MTCL1: variants seen among roughly 807,000 people sequenced by gnomAD.
MTCL1 encodes microtubule crosslinking factor 1.
In MTCL1, 79 loss-of-function variants were observed where a neutral mutation model predicts 141.4. That is an observed-to-expected ratio of 0.56 (90% CI 0.47 to 0.67). MTCL1 has a LOEUF of 0.67. Among genes scored for constraint, MTCL1 ranks in the 30% least tolerant of loss-of-function variants. MTCL1 has a pLI of 0.00. For missense variants in MTCL1, 2,177 were observed against 2,113.9 expected, an observed-to-expected ratio of 1.03 and a Z score of -0.59; for synonymous variants, 914 against 875.8, an observed-to-expected ratio of 1.04 and a Z score of -0.77.
chr18:8,747,822 G>GT (rs1487024626), intron 4 of MTCL1, among the ~76,000 whole-genome samples: 3 of 152,276 alleles, frequency 2.0e-5, no homozygotes, highest in Admixed American at 6.5e-5. Flanking sequence ...CGCATTTTCT[G>GT]TTTTTTGTTA....
intron 7 of MTCL1, among the ~76,000 whole-genome samples, chr18:8,790,420 T>C (rs1390006083): frequency 6.6e-6 from 1 of 152,214 alleles, no homozygotes; most frequent in African/African-American, 2.4e-5. Context: ...AAGAAGGATT[T>C]TTACATTTTG....
chr18:8,723,522 G>A (rs2096187245), intron 4 of MTCL1, among the ~76,000 whole-genome samples: 1 of 152,134 alleles, frequency 6.6e-6, no homozygotes, highest in South Asian at 2.1e-4. Flanking sequence ...TCGGCCTCAG[G>A]GGTCCGTGAG....
chr18:8,829,915 C>G, intron 16 of MTCL1: 1 of 985,230 alleles, frequency 1.0e-6, no homozygotes, highest in African/African-American at 1.7e-5. Flanking sequence ...CCTTCACAAG[C>G]AGAGGCTGGC....
chr18:8,792,265 A>C (rs1363156432), intron 7 of MTCL1, among the ~76,000 whole-genome samples: 1 of 152,252 alleles, frequency 6.6e-6, no homozygotes, highest in Non-Finnish European at 1.5e-5. Flanking sequence ...TCTAAAAAGC[A>C]CATTTCATGT....
intron 7 of MTCL1, chr18:8,787,455 C>G (rs902006646): frequency 6.5e-6 from 1 of 153,004 alleles, no homozygotes; most frequent in African/African-American, 2.4e-5. Flanking sequence ...GCCCCCGCTC[C>G]CCAGCACATC....
chr18:8,738,863 C>T (rs1243641343), intron 4 of MTCL1, among the ~76,000 whole-genome samples: 8 of 152,050 alleles, frequency 5.3e-5, no homozygotes, highest in Non-Finnish European at 4.4e-5. Flanking sequence ...TATGTTGAAG[C>T]GAGAGTCCAC....
intron 16 of MTCL1, chr18:8,831,282 T>C: frequency 8.7e-7 from 1 of 1,155,432 alleles, no homozygotes; most frequent in South Asian, 2.3e-5. Flanking sequence ...AAGTGGCCTG[T>C]GGAGACCGCT....
At chr18:8,808,872 A>G (rs2076389141) in intron 11 of MTCL1, among the ~76,000 whole-genome samples, 1 of 152,246 alleles carries the variant, frequency 6.6e-6, no homozygotes, top group Non-Finnish European at 1.5e-5. Flanking sequence ...GAAAGTGCCC[A>G]CAGGGCTTTT....
chr18:8,726,850 T>G (rs2096218712), intron 4 of MTCL1, among the ~76,000 whole-genome samples: 1 of 152,176 alleles, frequency 6.6e-6, no homozygotes, highest in Admixed American at 6.5e-5. Context: ...GCTGCATGAG[T>G]ATCTTGCATA....
At position 8,790,812 on chromosome 18, in the gene MTCL1, C is replaced by T. The variant is rs763947689; in HGVS notation, c.1888-2186C>T. Among the ~76,000 whole-genome samples, 8 of 152,094 alleles carry T rather than the reference C, an allele frequency of 5.3e-5. No homozygotes were observed. In the South Asian group the frequency reaches 1.5e-3, roughly 28 times the overall value. On this transcript the variant is annotated intron_variant, in intron 7 of 16. Coordinates refer to ENST00000359865, the Ensembl canonical transcript of MTCL1. ...GGCAGATCACTTGAGGTCAGGAGTTCGAGACCAGCCTGACCAACATGGTGA... is the reference window on the plus strand; with the variant it reads ...GGCAGATCACTTGAGGTCAGGAGTTTGAGACCAGCCTGACCAACATGGTGA...
chr18:8,729,394 ATTAAG>A (rs2096238300), intron 4 of MTCL1, among the ~76,000 whole-genome samples: 1 of 151,620 alleles, frequency 6.6e-6, no homozygotes, highest in Non-Finnish European at 1.5e-5. Context: ...TTCTTTGTAC[ATTAAG>A]TTAATTAATT....
At chr18:8,812,293 GT>G (rs1199936838) in intron 11 of MTCL1, among the ~76,000 whole-genome samples, 23 of 151,114 alleles carry the variant, frequency 1.5e-4, no homozygotes, top group Admixed American at 1.3e-3. Context: ...TTGTTTTTTT[GT>G]TTTTTTCAGT....
At position 8,786,110 on chromosome 18, in the gene MTCL1, TCC is replaced by T. The variant is rs747807625; in HGVS notation, c.1887+29_1887+30del. 5.3e-5 allele frequency: 69 copies of T among 1,312,740 alleles called. No individual in the cohort carries two copies. In the African/African-American group the frequency reaches 6.8e-4, roughly 13 times the overall value. 81.3% of individuals were successfully genotyped at this position (1,312,740 alleles called of 1,614,324 possible). ...CCTGGAGGTCAGCGTGGGCAAGCAA[TCC>T]CCCCCCCCCGCCCTCCCCCTCCTTT... On this transcript the variant is annotated intron_variant, in intron 7 of 16. Transcript: ENST00000359865.
intron 1 of MTCL1, among the ~76,000 whole-genome samples, chr18:8,710,857 T>A (rs1350521565): frequency 5.6e-5 from 5 of 89,400 alleles, no homozygotes; most frequent in Admixed American, 1.2e-4. Flanking sequence ...TTTTTTTTTT[T>A]AATCTGTTTT....
chr18:8,769,827 T>C (rs2096477405), intron 4 of MTCL1, among the ~76,000 whole-genome samples: 1 of 152,242 alleles, frequency 6.6e-6, no homozygotes, highest in Non-Finnish European at 1.5e-5. Flanking sequence ...CATTTACTTA[T>C]AACATTTGTC....
intron 4 of MTCL1, among the ~76,000 whole-genome samples, chr18:8,747,191 G>A (rs367792921): frequency 6.6e-6 from 1 of 152,170 alleles, no homozygotes; most frequent in Non-Finnish European, 1.5e-5. Flanking sequence ...TTTCTAGTAC[G>A]GCTGCAACCA....
intron 12 of MTCL1, among the ~76,000 whole-genome samples, chr18:8,818,075 A>G (rs1163523349): frequency 6.6e-6 from 1 of 152,204 alleles, no homozygotes; most frequent in Non-Finnish European, 1.5e-5. Flanking sequence ...CTAGTGCCGC[A>G]AAACAGCCCA....
chr18:8,780,161 G>A (rs1191640140), intron 5 of MTCL1, among the ~76,000 whole-genome samples: 4 of 152,178 alleles, frequency 2.6e-5, no homozygotes, highest in East Asian at 1.9e-4. Flanking sequence ...GGGGTTGGTC[G>A]TATTACCCTG....
Position 8,828,811 on chromosome 18 carries a change from C to T in MTCL1, c.4723-97C>T. On this transcript the variant is annotated intron_variant, in intron 15 of 16. Coordinates refer to ENST00000359865, the Ensembl canonical transcript of MTCL1. This position sits in a 1 kb window ranked among gnomAD's most constrained non-coding sequence, Gnocchi z 5.2. ...GAGCGAGAGGGATGGTCCTCTACCTCCGGGCTTGCTGACTTTAAACCTTTA... is the reference window on the plus strand; with the variant it reads ...GAGCGAGAGGGATGGTCCTCTACCTTCGGGCTTGCTGACTTTAAACCTTTA... 6.3e-7 allele frequency: 1 copy of T among 1,583,786 alleles called. No individual in the cohort carries two copies. Among genetic ancestry groups the T allele is most frequent in the Non-Finnish European group, 8.6e-7 (1 of 1,166,112 alleles).
Sources: gnomAD v4.1 joint callset for allele counts (sites outside exome capture counted in the v4.1 genomes callset) on GRCh38, gnomAD v4.1.1 for gene constraint, Gnocchi (gnomAD v3.1) non-coding constraint, MANE v1.5 for transcripts, NCBI Gene and HGNC (gene_info 2026-07-23, HGNC 2026-07-21) for gene names.